RAD51B: variants seen among roughly 807,000 people sequenced by gnomAD.
RAD51B encodes RAD51 paralog B, also known as DNA repair protein RAD51 homolog 2.
RAD51B carries 38 observed loss-of-function variants against 42.2 expected under a neutral mutation model. That is an observed-to-expected ratio of 0.90 (90% confidence interval 0.70 to 1.18). The LOEUF (loss-of-function observed/expected upper bound fraction) is 1.18. RAD51B is among the 50% of genes most tolerant of loss of function. The probability of loss-of-function intolerance (pLI) is 0.00; values close to 1 mark genes in which losing one functional copy is unlikely to be tolerated. For synonymous variants in RAD51B, 154 were observed against 145.2 expected (o/e 1.06, Z -0.43); for missense variants, 373 against 400.7 (o/e 0.93, Z 0.59).
chr14:68,611,861 C>T (rs757165985), downstream of RAD51B, among the ~76,000 whole-genome samples: 9 of 151,948 alleles, frequency 5.9e-5, no homozygotes, highest in Non-Finnish European at 1.2e-4. Context: ...CTAGCTGTGG[C>T]CTGACTCCAA....
At chr14:68,149,332 A>G (rs2078324576) in intron 7 of RAD51B, among the ~76,000 whole-genome samples, 1 of 152,038 alleles carries the variant, frequency 6.6e-6, no homozygotes, top group Non-Finnish European at 1.5e-5. Flanking sequence ...TATAGTTTGC[A>G]TTGTATATTT....
At chr14:68,361,462 C>G (rs1394250656) in intron 8 of RAD51B, among the ~76,000 whole-genome samples, 4 of 152,194 alleles carry the variant, frequency 2.6e-5, no homozygotes, top group African/African-American at 4.8e-5. Flanking sequence ...AGAGCCACTG[C>G]TTTTACACTT....
chr14:68,087,989 A>T lies in RAD51B; in HGVS notation c.756+200785A>T, dbSNP rs868169489. 2.3e-3 allele frequency among the ~76,000 whole-genome samples: 295 copies of T among 126,446 alleles called. 2 individuals are homozygous for T. In the South Asian group the frequency reaches 0.041, roughly 18 times the overall value. The allele number at this position is 126,446 out of a possible 152,430, so 83.0% of individuals were successfully genotyped here. On this transcript the variant is annotated intron_variant, in intron 7 of 10. Coordinates refer to ENST00000471583, the MANE Select transcript of RAD51B (RefSeq NM_133510.4). ...TTATTATTATATATAATTATATAAT[A>T]TATTATTATATATAATTATATAATA...
At position 67,923,541 on chromosome 14, in the gene RAD51B, C is replaced by T. The variant is rs553148237; in HGVS notation, c.756+36337C>T. 8.4e-4 allele frequency among the ~76,000 whole-genome samples: 128 copies of T among 152,142 alleles called. 1 individual carries two copies. The highest frequency in any genetic ancestry group is 2.9e-3 in the African/African-American group (122 of 41,502). ...CTTGAACTCCCGACCTCAGGTGATC[C>T]GCCCACCTCAGCCTCCCAAATTGCT... On this transcript the variant is annotated intron_variant, in intron 7 of 10. Coordinates refer to ENST00000471583, the MANE Select transcript of RAD51B (RefSeq NM_133510.4).
chr14:67,838,337 C>T (rs2041314698), intron 4 of RAD51B, among the ~76,000 whole-genome samples: 1 of 151,838 alleles, frequency 6.6e-6, no homozygotes, highest in Non-Finnish European at 1.5e-5. Flanking sequence ...AGAGAGCTAG[C>T]AAAACGATAA....
chr14:67,945,736 G>T (rs2045369720), intron 7 of RAD51B, among the ~76,000 whole-genome samples: 1 of 152,172 alleles, frequency 6.6e-6, no homozygotes, highest in Non-Finnish European at 1.5e-5. Flanking sequence ...CTCCCAAAGT[G>T]CTGGGATTAC....
chr14:68,052,074 C>T (rs1428795476), intron 7 of RAD51B, among the ~76,000 whole-genome samples: 1 of 152,144 alleles, frequency 6.6e-6, no homozygotes, highest in Admixed American at 6.5e-5. Context: ...TTTTGTTGAA[C>T]ATGCCCAAAA....
At chr14:68,336,117 AAGAGTTAAT>A (rs1566816605) in intron 8 of RAD51B, among the ~76,000 whole-genome samples, 1 of 152,240 alleles carries the variant, frequency 6.6e-6, no homozygotes, top group Non-Finnish European at 1.5e-5. Flanking sequence ...GGAGAGTTAA[AAGAGTTAAT>A]AATATGTGAG....
chr14:68,491,404 G>A (rs917327419), intron 10 of RAD51B, among the ~76,000 whole-genome samples: 2 of 152,234 alleles, frequency 1.3e-5, no homozygotes, highest in African/African-American at 4.8e-5. Flanking sequence ...TAACTAGAAT[G>A]TAATAAGATT....
chr14:68,534,230 A>G (rs1887480191), intron 10 of RAD51B, among the ~76,000 whole-genome samples: 1 of 152,228 alleles, frequency 6.6e-6, no homozygotes, highest in Admixed American at 6.5e-5. Flanking sequence ...AGCTGAAGAA[A>G]GTGGAAGAAT....
chr14:68,603,827 G>C (rs61987061), intron 10 of RAD51B, among the ~76,000 whole-genome samples: 3,705 of 152,306 alleles, frequency 0.024, 48 homozygotes, highest in East Asian at 0.033. Context: ...CTGCGGCCGC[G>C]CTGGCCCCCT....
chr14:67,890,284 T>G (rs1486329956), intron 7 of RAD51B, among the ~76,000 whole-genome samples: 1 of 151,918 alleles, frequency 6.6e-6, no homozygotes, highest in Non-Finnish European at 1.5e-5. Flanking sequence ...CAGATGACAA[T>G]GAATCCGAAA....
intron 4 of RAD51B, among the ~76,000 whole-genome samples, chr14:67,857,213 T>G (rs957575339): frequency 3.9e-5 from 6 of 152,190 alleles, no homozygotes; most frequent in Admixed American, 1.3e-4. Flanking sequence ...TATAATTTTT[T>G]TGAGTCTAGG....
chr14:68,154,412 G>C (rs1440035697), intron 7 of RAD51B, among the ~76,000 whole-genome samples: 8 of 152,174 alleles, frequency 5.3e-5, no homozygotes, highest in Admixed American at 1.3e-4. Context: ...TCTTGGTCCT[G>C]TATGAGTGCC....
intron 7 of RAD51B, among the ~76,000 whole-genome samples, chr14:68,051,578 TAA>T (rs1245142929): frequency 6.6e-6 from 1 of 152,058 alleles, no homozygotes; most frequent in Non-Finnish European, 1.5e-5. Context: ...ACTTTGCTAA[TAA>T]TAGAGTTTGT....
chr14:67,949,143 G>T (rs1023333493), intron 7 of RAD51B, among the ~76,000 whole-genome samples: 1 of 151,858 alleles, frequency 6.6e-6, no homozygotes, highest in Non-Finnish European at 1.5e-5. Context: ...AAATAAGACA[G>T]CAATAAAGTT....
intron 7 of RAD51B, among the ~76,000 whole-genome samples, chr14:68,163,738 G>T (rs748480862): frequency 1.3e-5 from 2 of 152,052 alleles, no homozygotes; most frequent in South Asian, 4.1e-4. Context: ...GCATATTTTA[G>T]TAAGGCATGT....
At chr14:68,302,624 A>G (rs1216124550) in intron 8 of RAD51B, among the ~76,000 whole-genome samples, 1 of 152,214 alleles carries the variant, frequency 6.6e-6, no homozygotes, top group Non-Finnish European at 1.5e-5. Flanking sequence ...CAGCCTGCAG[A>G]GATGAGAGCC....
chr14:68,548,752 G>A (rs1888364073), intron 10 of RAD51B, among the ~76,000 whole-genome samples: 1 of 152,200 alleles, frequency 6.6e-6, no homozygotes, highest in Admixed American at 6.5e-5. Flanking sequence ...CTAAGACAAT[G>A]CCCAAGGCTG....
Sources: gnomAD v4.1 joint callset for allele counts (sites outside exome capture counted in the v4.1 genomes callset) on GRCh38, gnomAD v4.1.1 for gene constraint, MANE v1.5 for transcripts, NCBI Gene and HGNC (gene_info 2026-07-23, HGNC 2026-07-21) for gene names.